ERBB4: variants seen among roughly 807,000 people sequenced by gnomAD.
The protein encoded by ERBB4 is receptor tyrosine-protein kinase erbB-4.
Under a neutral mutation model 158.0 loss-of-function variants are expected in ERBB4, and 42 were observed. The ratio of observed to expected loss-of-function variants is 0.27; its 90% CI spans 0.21 to 0.34. ERBB4 has a LOEUF of 0.34. Among genes scored for constraint, ERBB4 ranks in the 10% least tolerant of loss-of-function variants. The pLI is 1.00. For synonymous variants in ERBB4, 583 were observed against 558.7 expected, an observed-to-expected ratio of 1.04 and a Z score of -0.61; for missense variants, 1,333 against 1,624.1, an observed-to-expected ratio of 0.82 and a Z score of 3.08.
chr2:212,407,295 T>C (rs1230547590), intron 1 of ERBB4, among the ~76,000 whole-genome samples: 3 of 151,980 alleles, frequency 2.0e-5, no homozygotes, highest in Non-Finnish European at 4.4e-5. Context: ...AAAGTAAAAA[T>C]AAAATAGTGG....
intron 9 of ERBB4, among the ~76,000 whole-genome samples, chr2:211,706,529 T>G (rs186347772): frequency 6.6e-6 from 1 of 151,856 alleles, no homozygotes; most frequent in Admixed American, 6.6e-5. Context: ...GGAACCACCT[T>G]GTACTGGCTT....
intron 16 of ERBB4, among the ~76,000 whole-genome samples, chr2:211,635,703 G>A (rs2070332138): frequency 6.6e-6 from 1 of 152,022 alleles, no homozygotes; most frequent in Admixed American, 6.6e-5. Flanking sequence ...TATAAGGACT[G>A]GCTATCTTTT....
chr2:212,307,163 A>G (rs2086840157), intron 1 of ERBB4, among the ~76,000 whole-genome samples: 1 of 151,222 alleles, frequency 6.6e-6, no homozygotes, highest in African/African-American at 2.4e-5. Flanking sequence ...TTAGTCTCTC[A>G]AAGCCTCAGT....
intron 14 of ERBB4, among the ~76,000 whole-genome samples, chr2:211,666,764 G>C (rs891915660): frequency 2.0e-5 from 3 of 152,016 alleles, no homozygotes; most frequent in Non-Finnish European, 4.4e-5. Flanking sequence ...TTCTTCCCCT[G>C]ACCCATTTCT....
intron 4 of ERBB4, among the ~76,000 whole-genome samples, chr2:211,765,288 A>G (rs1250564945): frequency 5.3e-5 from 8 of 152,162 alleles, no homozygotes; most frequent in Non-Finnish European, 1.2e-4. Context: ...TGCTTTTTGG[A>G]AGGAAGATTC....
intron 1 of ERBB4, among the ~76,000 whole-genome samples, chr2:212,230,038 A>G (rs1465079529): frequency 6.6e-6 from 1 of 152,188 alleles, no homozygotes; most frequent in Non-Finnish European, 1.5e-5. Flanking sequence ...TAATCCAAGC[A>G]CTTTGGGAGG....
At chr2:211,950,436 C>T (rs1318433989) in intron 2 of ERBB4, among the ~76,000 whole-genome samples, 1 of 152,146 alleles carries the variant, frequency 6.6e-6, no homozygotes, top group East Asian at 1.9e-4. Context: ...AAAGTTCTAA[C>T]ATTGTACCTG....
chr2:211,973,742 A>G (rs559684827), intron 2 of ERBB4, among the ~76,000 whole-genome samples: 1 of 152,330 alleles, frequency 6.6e-6, no homozygotes, highest in South Asian at 2.1e-4. Flanking sequence ...TATATACCCA[A>G]AGGAATATAA....
intron 1 of ERBB4, chr2:212,426,446 G>A (rs529561908): frequency 4.9e-6 from 2 of 408,288 alleles, no homozygotes; most frequent in Admixed American, 7.4e-5. Flanking sequence ...GTAATTTCTT[G>A]CAGCTGAAAT....
intron 7 of ERBB4, among the ~76,000 whole-genome samples, chr2:211,716,363 A>C (rs2073901886): frequency 2.0e-4 from 1 of 5,098 alleles, no homozygotes; most frequent in African/African-American, 5.3e-4. Flanking sequence ...ACTCTGTCTC[A>C]AAAAAAAAAA....
chr2:211,958,871 A>G (rs1421272497), intron 2 of ERBB4, among the ~76,000 whole-genome samples: 2 of 152,086 alleles, frequency 1.3e-5, no homozygotes, highest in African/African-American at 2.4e-5. Flanking sequence ...CTGCTTTAAA[A>G]GGTACTTTAA....
In ERBB4 at chr2:211,428,420, C is replaced by T. The variant is rs764667767; in HGVS notation, c.2707G>A (p.Val903Ile). ...AAGATTTATTTACCATAGCTCCAAA[C>T]GTCACTCTGATGGGTGAATTTCCTG... ...HYRKFTHQSD[V>I]WSYGVTIWEL... The change falls in exon 22 of 28, where the codon GTT becomes ATT. Residue 903 changes from valine (V) to isoleucine (I), a missense_variant. By Grantham distance (29) the Val-to-Ile change is conservative (BLOSUM62 3). Transcript: ENST00000342788. The T allele has an allele frequency of 8.9e-6, 14 of 1,581,618 alleles. No individual in the cohort carries two copies. The highest frequency in any genetic ancestry group is 8.3e-5 in the Admixed American group (5 of 59,886).
At chr2:211,442,974 C>G (rs926638851) in intron 20 of ERBB4, among the ~76,000 whole-genome samples, 1 of 152,000 alleles carries the variant, frequency 6.6e-6, no homozygotes, top group Non-Finnish European at 1.5e-5. Context: ...TGACATAACT[C>G]AGTTTGACCC....
chr2:211,567,890 G>A (rs1451960627), intron 19 of ERBB4, among the ~76,000 whole-genome samples: 1 of 151,576 alleles, frequency 6.6e-6, no homozygotes, highest in Non-Finnish European at 1.5e-5. Context: ...TGATGAGTGG[G>A]ATAAAAAAGG....
At chr2:211,804,157 T>C (rs564754119) in intron 3 of ERBB4, among the ~76,000 whole-genome samples, 2 of 152,230 alleles carry the variant, frequency 1.3e-5, no homozygotes, top group Non-Finnish European at 2.9e-5. Flanking sequence ...GAAGATAAAA[T>C]CAAATAACTG....
intron 1 of ERBB4, among the ~76,000 whole-genome samples, chr2:212,220,216 GA>G (rs2083250018): frequency 6.6e-6 from 1 of 151,252 alleles, no homozygotes; most frequent in African/African-American, 2.4e-5. Context: ...TTTATAACTG[GA>G]TCAATATTTT....
At chr2:211,747,872 T>C (rs1325767492) in intron 5 of ERBB4, among the ~76,000 whole-genome samples, 2 of 151,888 alleles carry the variant, frequency 1.3e-5, no homozygotes, top group African/African-American at 2.4e-5. Flanking sequence ...AGTAAATTGG[T>C]TCCAGGACCC....
At chr2:211,927,371 C>T (rs1022428127) in intron 3 of ERBB4, among the ~76,000 whole-genome samples, 11 of 152,000 alleles carry the variant, frequency 7.2e-5, no homozygotes, top group Non-Finnish European at 1.6e-4. Flanking sequence ...TATATTCTGT[C>T]CAGTTACAAA....
chr2:211,699,282 T>A (rs2106024144), intron 12 of ERBB4, among the ~76,000 whole-genome samples: 1 of 152,184 alleles, frequency 6.6e-6, no homozygotes, highest in African/African-American at 2.4e-5. Flanking sequence ...TGCATATATG[T>A]TTAGGTGTTG....
Sources: allele counts gnomAD v4.1 joint callset (sites outside exome capture counted in the v4.1 genomes callset), GRCh38; gene constraint gnomAD v4.1.1; transcripts MANE v1.5; gene names NCBI Gene and HGNC (gene_info 2026-07-23, HGNC 2026-07-21).